Variants in TMEM272 observed in about 807,000 individuals in gnomAD.
The protein encoded by TMEM272 is long intergenic non-protein coding RNA 282.
Under a neutral mutation model 3.7 loss-of-function variants are expected in TMEM272, and 8 were observed. The observed-to-expected ratio is 2.17, with a 90% confidence interval of 1.27 to 3.91. The LOEUF (loss-of-function observed/expected upper bound fraction) is 3.91, where lower values mean the gene tolerates loss of function less well. TMEM272 is among the 30% of genes most tolerant of loss of function. The pLI is 0.00. For missense variants in TMEM272, 166 were observed against 91.5 expected (o/e 1.81, Z -3.32); for synonymous variants, 63 against 39.8 (o/e 1.58, Z -2.20).
At chr13:51,902,963 C>T in the TMEM272 span, among the ~76,000 whole-genome samples, 2 of 152,206 alleles carry the variant, frequency 1.3e-5, no homozygotes, top group Non-Finnish European at 2.9e-5. Context: ...CAGGTGGCTG[C>T]GGTGAGCAAT....
the TMEM272 span, among the ~76,000 whole-genome samples, chr13:51,930,886 A>T: frequency 6.6e-6 from 1 of 152,258 alleles, no homozygotes; most frequent in East Asian, 1.9e-4. Flanking sequence ...TTTATTTATT[A>T]ATCTTGATTC....
At chr13:51,884,008 G>C in the TMEM272 span, among the ~76,000 whole-genome samples, 1 of 152,230 alleles carries the variant, frequency 6.6e-6, no homozygotes, top group African/African-American at 2.4e-5. Flanking sequence ...GGTTGGAAGA[G>C]TGAGGGAAAC....
the TMEM272 span, chr13:51,909,938 T>C: frequency 6.2e-7 from 1 of 1,600,170 alleles, no homozygotes. Flanking sequence ...ATACTTCAGC[T>C]TCTTGCAAAA....
the TMEM272 span, among the ~76,000 whole-genome samples, chr13:51,902,815 T>A: frequency 6.6e-6 from 1 of 152,250 alleles, no homozygotes; most frequent in Non-Finnish European, 1.5e-5. Context: ...AGGCACTAAG[T>A]TTTGGAGTAA....
chr13:51,891,001 C>G, the TMEM272 span, among the ~76,000 whole-genome samples: 1 of 152,134 alleles, frequency 6.6e-6, no homozygotes, highest in African/African-American at 2.4e-5. Context: ...AACATGAGGG[C>G]CCAGGGAAGG....
At chr13:51,910,188 A>G in the TMEM272 span, 2 of 1,127,824 alleles carry the variant, frequency 1.8e-6, no homozygotes, top group East Asian at 2.4e-5. Flanking sequence ...TAGACAGAGT[A>G]TTTCATGCTC....
chr13:51,923,159 T>C, the TMEM272 span, among the ~76,000 whole-genome samples: 3 of 152,208 alleles, frequency 2.0e-5, no homozygotes, highest in Non-Finnish European at 2.9e-5. Context: ...CAAGCCTCTG[T>C]TGGCAAATCC....
At chr13:51,912,004 T>C in the TMEM272 span, among the ~76,000 whole-genome samples, 1 of 152,060 alleles carries the variant, frequency 6.6e-6, no homozygotes, top group African/African-American at 2.4e-5. Context: ...ACATGGCCAC[T>C]CCCTCAAGGA....
chr13:51,895,029 A>T, the TMEM272 span, among the ~76,000 whole-genome samples: 1 of 152,116 alleles, frequency 6.6e-6, no homozygotes, highest in Non-Finnish European at 1.5e-5. Flanking sequence ...TGAGAATCTA[A>T]TGCCACTGCT....
the TMEM272 span, among the ~76,000 whole-genome samples, chr13:51,902,575 G>C: frequency 2.6e-5 from 4 of 152,208 alleles, no homozygotes; most frequent in African/African-American, 9.6e-5. Flanking sequence ...CCCATGGTTA[G>C]AGGGACTGAG....
the TMEM272 span, among the ~76,000 whole-genome samples, chr13:51,915,974 G>A: frequency 2.0e-5 from 3 of 152,258 alleles, no homozygotes; most frequent in African/African-American, 4.8e-5. Flanking sequence ...TCGGGAGGCC[G>A]AGGCAGGAGA....
At chr13:51,922,310 G>C in the TMEM272 span, among the ~76,000 whole-genome samples, 1 of 152,256 alleles carries the variant, frequency 6.6e-6, no homozygotes, top group Non-Finnish European at 1.5e-5. Flanking sequence ...CTCAGCTTCA[G>C]AGGCTTCTTC....
At chr13:51,917,607 A>T in the TMEM272 span, among the ~76,000 whole-genome samples, 1 of 152,186 alleles carries the variant, frequency 6.6e-6, no homozygotes, top group Non-Finnish European at 1.5e-5. Flanking sequence ...CCTGTGGTTT[A>T]AGGACAGTGT....
At chr13:51,868,201 T>A in the TMEM272 span, among the ~76,000 whole-genome samples, 2 of 152,214 alleles carry the variant, frequency 1.3e-5, no homozygotes, top group Non-Finnish European at 2.9e-5. Context: ...TATGCTATGT[T>A]TGGGAACGAG....
At chr13:51,864,351 C>T in the TMEM272 span, among the ~76,000 whole-genome samples, 1 of 152,202 alleles carries the variant, frequency 6.6e-6, no homozygotes, top group East Asian at 1.9e-4. Flanking sequence ...ATCCCACACT[C>T]CAAATCCTCC....
the TMEM272 span, among the ~76,000 whole-genome samples, chr13:51,884,913 A>C: frequency 2.6e-5 from 4 of 152,170 alleles, no homozygotes; most frequent in Non-Finnish European, 5.9e-5. Flanking sequence ...AAAATGAGGA[A>C]GTTATAGCTA....
the TMEM272 span, among the ~76,000 whole-genome samples, chr13:51,875,000 G>A: frequency 6.6e-6 from 1 of 152,194 alleles, no homozygotes; most frequent in Non-Finnish European, 1.5e-5. Flanking sequence ...GCAACAAAAT[G>A]AGATGCTGGA....
the TMEM272 span, among the ~76,000 whole-genome samples, chr13:51,929,201 A>T: frequency 3.9e-5 from 6 of 152,208 alleles, no homozygotes; most frequent in Non-Finnish European, 8.8e-5. Flanking sequence ...ATCTCAAAAA[A>T]AAAAAGTTAT....
the TMEM272 span, among the ~76,000 whole-genome samples, chr13:51,864,689 T>C: frequency 6.6e-6 from 1 of 152,222 alleles, no homozygotes; most frequent in Non-Finnish European, 1.5e-5. Context: ...TCACAGTTCC[T>C]AAGTTTCCTC....
Sources: gnomAD v4.1 joint callset for allele counts (sites outside exome capture counted in the v4.1 genomes callset) on GRCh38, gnomAD v4.1.1 for gene constraint, MANE v1.5 for transcripts, NCBI Gene and HGNC (gene_info 2026-07-23, HGNC 2026-07-21) for gene names.